CCDC192: variants seen among roughly 807,000 people sequenced by gnomAD.
CCDC192 encodes the protein coiled-coil domain-containing protein 192.
intron 2 of CCDC192, among the ~76,000 whole-genome samples, chr5:127,719,844 G>T (rs1203787569): frequency 6.6e-6 from 1 of 150,470 alleles, no homozygotes; most frequent in Non-Finnish European, 1.5e-5. Context: ...CGGGGGAGGT[G>T]ACACATGCTT....
At chr5:127,875,431 C>A (rs1561534544) in intron 5 of CCDC192, 107 bp from the exon 6 acceptor site, 1 of 391,260 alleles carries the variant, frequency 2.6e-6, no homozygotes, top group Non-Finnish European at 4.5e-6. Context: ...AGTGTTTCAT[C>A]TAAGCAGGCT....
At chr5:127,794,787 C>T (rs1439892696) in intron 3 of CCDC192, among the ~76,000 whole-genome samples, 2 of 151,770 alleles carry the variant, frequency 1.3e-5, no homozygotes, top group African/African-American at 4.8e-5. Context: ...AAAATGGTAA[C>T]GATGGATCAC....
At chr5:127,889,443 C>A (rs1580799227) in intron 6 of CCDC192, among the ~76,000 whole-genome samples, 1 of 151,198 alleles carries the variant, frequency 6.6e-6, no homozygotes, top group South Asian at 2.1e-4. Context: ...TGCACTGTCC[C>A]CAGGCTGGAG....
chr5:127,898,128 G>T (rs1029706072), intron 6 of CCDC192, among the ~76,000 whole-genome samples: 3 of 150,040 alleles, frequency 2.0e-5, no homozygotes, highest in Middle Eastern at 3.2e-3. Context: ...TTTTTTTTGA[G>T]ACGGAGTTTT....
chr5:127,800,120 A>G (rs573802493), intron 5 of CCDC192, among the ~76,000 whole-genome samples: 35 of 151,906 alleles, frequency 2.3e-4, no homozygotes, highest in South Asian at 6.2e-4. Context: ...TATATTCTCT[A>G]TGTGCCATTT....
At chr5:127,809,374 G>T (rs149479822) in intron 5 of CCDC192, among the ~76,000 whole-genome samples, 131 of 152,226 alleles carry the variant, frequency 8.6e-4, no homozygotes, top group African/African-American at 2.9e-3. Flanking sequence ...ACATAAATAT[G>T]GCTTTTATCT....
intron 6 of CCDC192, among the ~76,000 whole-genome samples, chr5:127,897,699 G>C (rs180710220): frequency 6.6e-6 from 1 of 152,170 alleles, no homozygotes; most frequent in Admixed American, 6.5e-5. Flanking sequence ...CTTTAGAGAG[G>C]ATTCTCATTT....
At chr5:127,824,211 T>C (rs558516258) in intron 5 of CCDC192, among the ~76,000 whole-genome samples, 2 of 152,288 alleles carry the variant, frequency 1.3e-5, no homozygotes, top group South Asian at 4.1e-4. Flanking sequence ...CTTGAGACAC[T>C]AACAATAATA....
intron 2 of CCDC192, among the ~76,000 whole-genome samples, chr5:127,735,291 C>G (rs1212944533): frequency 1.5e-5 from 2 of 132,006 alleles, no homozygotes; most frequent in Non-Finnish European, 3.2e-5. Flanking sequence ...ATCTATATCT[C>G]TGTTTTGGTA....
intron 5 of CCDC192, among the ~76,000 whole-genome samples, chr5:127,841,998 CAGAGAAGACAGGCTCTGTTTTAA>C (rs568532876): frequency 7.2e-5 from 11 of 152,308 alleles, no homozygotes; most frequent in Non-Finnish European, 1.3e-4. Context: ...TGTGTTGACC[CAGAGAAGACAGGCTCTGTTTTAA>C]AGGGGGAGCC....
chr5:127,722,816 G>C (rs1190131259), intron 2 of CCDC192, among the ~76,000 whole-genome samples: 2 of 152,162 alleles, frequency 1.3e-5, no homozygotes, highest in East Asian at 3.9e-4. Flanking sequence ...CCATTTGTCT[G>C]TTTTCATTTT....
Position 127,771,882 on chromosome 5 carries a change from G to A in CCDC192, c.222+17507G>A, listed in dbSNP as rs117151102. On this transcript the variant is annotated intron_variant, in intron 3 of 6. Coordinates refer to ENST00000514853, the MANE Select transcript of CCDC192 (RefSeq NM_001317938.2). ...TGATTGAAAAGGAAAAAAAGGGGAA[G>A]CAGGGATTCTCCACGAGGCCAGAGT... is the stretch of plus-strand genomic sequence containing the variant. 2.4e-4 allele frequency among the ~76,000 whole-genome samples: 37 copies of A among 152,288 alleles called. No homozygotes were observed. The East Asian group carries it at 6.9e-3, about 29-fold the overall frequency.
intron 6 of CCDC192, among the ~76,000 whole-genome samples, chr5:127,911,662 G>C (rs1269642592): frequency 6.7e-6 from 1 of 149,316 alleles, no homozygotes; most frequent in Non-Finnish European, 1.5e-5. Flanking sequence ...GGGAGTGACA[G>C]ATAATACAAC....
intron 6 of CCDC192, among the ~76,000 whole-genome samples, chr5:127,901,464 C>G (rs897405093): frequency 2.6e-5 from 4 of 151,994 alleles, no homozygotes; most frequent in African/African-American, 9.7e-5. Context: ...CAGGATTAGA[C>G]TGGTTTAGAG....
At chr5:127,933,693 A>G (rs968046583) in intron 6 of CCDC192, among the ~76,000 whole-genome samples, 4 of 152,182 alleles carry the variant, frequency 2.6e-5, no homozygotes, top group Non-Finnish European at 5.9e-5. Context: ...TGGTCCTCCA[A>G]AATATGTATG....
At chr5:127,936,783 C>T (rs1227494655) in intron 6 of CCDC192, among the ~76,000 whole-genome samples, 1 of 152,212 alleles carries the variant, frequency 6.6e-6, no homozygotes, top group Non-Finnish European at 1.5e-5. Context: ...GGTCAGATAA[C>T]AGCACCTCCA....
intron 3 of CCDC192, among the ~76,000 whole-genome samples, chr5:127,761,125 G>T (rs1754903518): frequency 6.6e-6 from 1 of 152,176 alleles, no homozygotes; most frequent in Admixed American, 6.5e-5. Flanking sequence ...TGGGGCATTT[G>T]TGGCTTTGCA....
At chr5:127,928,511 A>G (rs73333517) in intron 6 of CCDC192, among the ~76,000 whole-genome samples, 15,257 of 152,166 alleles carry the variant, frequency 0.1, 1,567 homozygotes, top group East Asian at 0.3. Context: ...ATCCAAGACA[A>G]TCTTCCCATC....
intron 3 of CCDC192, 137 bp downstream of exon 3, chr5:127,754,512 CAT>C (rs1429100919): frequency 1.6e-5 from 6 of 374,404 alleles, no homozygotes; most frequent in Non-Finnish European, 2.8e-5. Context: ...CACACACACA[CAT>C]TGCAGTATGC....
Sources: allele counts gnomAD v4.1 joint callset (sites outside exome capture counted in the v4.1 genomes callset), GRCh38; gene constraint gnomAD v4.1.1; transcripts MANE v1.5; gene names NCBI Gene and HGNC (gene_info 2026-07-23, HGNC 2026-07-21).